The following ARPC2 variants were observed in gnomAD, a reference collection of about 807,000 sequenced individuals.
ARPC2 encodes the protein actin related protein 2/3 complex subunit 2.
Under a neutral mutation model 38.6 loss-of-function variants are expected in ARPC2, and 4 were observed. The observed-to-expected ratio is 0.10, with a 90% CI of 0.05 to 0.24. The LOEUF (loss-of-function observed/expected upper bound fraction) is 0.24. Among genes scored for constraint, ARPC2 ranks in the 10% least tolerant of loss-of-function variants. The pLI, the probability that ARPC2 is intolerant of heterozygous loss-of-function variation, is 1.00. For missense variants in ARPC2, 229 were observed against 387.3 expected, an observed-to-expected ratio of 0.59 and a Z score of 3.43; for synonymous variants, 125 against 140.8, an observed-to-expected ratio of 0.89 and a Z score of 0.79.
intron 2 of ARPC2, among the ~76,000 whole-genome samples, chr2:218,222,860 T>C (rs144953065): frequency 2.6e-5 from 4 of 152,166 alleles, no homozygotes; most frequent in Non-Finnish European, 5.9e-5. Flanking sequence ...AATAAGTAAC[T>C]ACTACATATT....
At chr2:218,238,342 A>G (rs1244432013) in intron 5 of ARPC2, among the ~76,000 whole-genome samples, 1 of 152,200 alleles carries the variant, frequency 6.6e-6, no homozygotes, top group African/African-American at 2.4e-5. Flanking sequence ...CTCCCATTAC[A>G]TATTTGTAAT....
At chr2:218,245,616 A>G (rs1690013227) in intron 8 of ARPC2, 70 bp downstream of exon 8, 1 of 1,582,034 alleles carries the variant, frequency 6.3e-7, no homozygotes, top group African/African-American at 1.4e-5. Context: ...CTAAATCTGC[A>G]CAGAACCTTG....
intron 2 of ARPC2, among the ~76,000 whole-genome samples, chr2:218,225,005 A>C (rs904559359): frequency 1.3e-5 from 2 of 152,324 alleles, no homozygotes; most frequent in Middle Eastern, 3.4e-3. Flanking sequence ...CTTGTTTGCT[A>C]GCCCCTAAAA....
Position 218,225,075 on chromosome 2 carries a change from T to G in ARPC2, c.75-845T>G, listed in dbSNP as rs374145677. On this transcript the variant is annotated intron_variant, in intron 2 of 10. Transcript: ENST00000315717. The stretch of plus-strand genomic sequence containing the variant: ...TGGTAAGGCAATAGTCTTCATTTGC[T>G]TCCTACTTTGGACTTCAGGTCTGTT... Among the ~76,000 whole-genome samples, 4 of 152,352 alleles carry G rather than the reference T, an allele frequency of 2.6e-5. No individual in the cohort carries two copies. The East Asian group carries it at 7.7e-4, about 29-fold the overall frequency.
intron 3 of ARPC2, among the ~76,000 whole-genome samples, chr2:218,226,516 C>G (rs1461421363): frequency 1.1e-4 from 16 of 150,076 alleles, no homozygotes. Context: ...GTAGTCCCAG[C>G]TACTCCGGAG....
Position 218,239,458 on chromosome 2 carries a change from G to A in ARPC2, c.523G>A (p.Val175Met). ...CACAGTGTTTAAGGATGACGACGAT[G>A]TGGTCATTGGAAAGGTGTTCATGCA... ...FSTVFKDDDD[V>M]VIGKVFMQEF... The change falls in exon 7 of 11, where the codon GTG becomes ATG. Residue 175 changes from valine to methionine, a missense_variant. Val to Met is a conservative substitution (Grantham distance 21). Coordinates refer to ENST00000315717, the MANE Select transcript of ARPC2 (RefSeq NM_152862.3). The A allele has an allele frequency of 6.2e-7, 1 of 1,614,172 alleles. No individual in the cohort carries two copies. Among genetic ancestry groups the A allele is most frequent in the African/African-American group, 1.3e-5 (1 of 75,052 alleles).
At chr2:218,248,785 G>T in intron 8 of ARPC2, among the ~76,000 whole-genome samples, 1 of 152,198 alleles carries the variant, frequency 6.6e-6, no homozygotes, top group South Asian at 2.1e-4. Context: ...TAGGTGGCTG[G>T]TGTCACAGGG....
intron 9 of ARPC2, 149 bp from the exon 10 acceptor site, chr2:218,249,672 A>G (rs2106160269): frequency 1.2e-6 from 1 of 816,476 alleles, no homozygotes; most frequent in African/African-American, 1.7e-5. Flanking sequence ...TGTTTCCAGA[A>G]TTGCTCACCT....
chr2:218,225,862 T>A, intron 2 of ARPC2, 58 bp from the exon 3 acceptor site: 1 of 1,576,800 alleles, frequency 6.3e-7, no homozygotes, highest in South Asian at 1.1e-5. Context: ...TCCAGTTCCC[T>A]TTGAAGGTAA....
chr2:218,225,806 AAAT>A, intron 2 of ARPC2, 111 bp from the exon 3 acceptor site: 1 of 992,170 alleles, frequency 1.0e-6, no homozygotes, highest in Non-Finnish European at 1.6e-6. Context: ...CAGTAACCTA[AAAT>A]TTATACAGAA....
At chr2:218,224,665 G>A (rs868153907) in intron 2 of ARPC2, among the ~76,000 whole-genome samples, 2 of 143,330 alleles carry the variant, frequency 1.4e-5, no homozygotes, top group African/African-American at 2.5e-5. Flanking sequence ...ACTTCAATTC[G>A]TAGAGATACC....
intron 8 of ARPC2, among the ~76,000 whole-genome samples, chr2:218,246,795 A>T (rs950442035): frequency 1.1e-4 from 17 of 152,166 alleles, no homozygotes; most frequent in African/African-American, 3.9e-4. Flanking sequence ...ACATGGTGAA[A>T]CCACACCTCT....
At chr2:218,249,519 G>A in intron 9 of ARPC2, 55 bp downstream of exon 9, 1 of 1,359,860 alleles carries the variant, frequency 7.4e-7, no homozygotes, top group Non-Finnish European at 1.0e-6. Context: ...TCCTCCACCA[G>A]AACTCCTGAC....
chr2:218,225,915 T>G lies in ARPC2; in HGVS notation c.75-5T>G, dbSNP rs572566257. The G allele has an allele frequency of 6.2e-7, 1 of 1,613,544 alleles. No homozygotes were observed. Among genetic ancestry groups the G allele is most frequent in the African/African-American group, 1.3e-5 (1 of 74,920 alleles). ...TTAACTGAGGACCTTTTTTGTTGTTTACAGAAACAAACCGGAAGCAGTAGA... is the reference window on the plus strand; with the variant it reads ...TTAACTGAGGACCTTTTTTGTTGTTGACAGAAACAAACCGGAAGCAGTAGA... On this transcript the variant is annotated splice_region_variant and splice_polypyrimidine_tract_variant and intron_variant, in intron 2 of 10. Transcript: ENST00000315717.
chr2:218,249,727 C>G, intron 9 of ARPC2, 94 bp from the exon 10 acceptor site: 1 of 1,258,944 alleles, frequency 7.9e-7, no homozygotes, highest in Non-Finnish European at 1.1e-6. Context: ...GGTGTATGTT[C>G]CCAACCGCCC....
intron 2 of ARPC2, among the ~76,000 whole-genome samples, chr2:218,225,667 C>G (rs1689479547): frequency 6.6e-6 from 1 of 152,176 alleles, no homozygotes; most frequent in South Asian, 2.1e-4. Flanking sequence ...GCAGTAGATT[C>G]AACAGCAGGT....
chr2:218,234,918 A>G, intron 5 of ARPC2: 5 of 456,412 alleles, frequency 1.1e-5, no homozygotes, highest in South Asian at 7.8e-5. Flanking sequence ...CTTGAATAGA[A>G]CAGCTATGTT....
intron 5 of ARPC2, among the ~76,000 whole-genome samples, chr2:218,237,974 C>T (rs566003680): frequency 1.2e-4 from 18 of 152,306 alleles, no homozygotes; most frequent in Non-Finnish European, 2.2e-4. Context: ...TGGCAAGTCA[C>T]GTCACTTCTT....
intron 5 of ARPC2, among the ~76,000 whole-genome samples, chr2:218,238,358 A>G (rs1689822397): frequency 6.6e-6 from 1 of 152,180 alleles, no homozygotes; most frequent in South Asian, 2.1e-4. Flanking sequence ...GTAATTAGTC[A>G]TCTTTGATAC....
Sources: allele counts gnomAD v4.1 joint callset (sites outside exome capture counted in the v4.1 genomes callset), GRCh38; gene constraint gnomAD v4.1.1; transcripts MANE v1.5; gene names NCBI Gene and HGNC (gene_info 2026-07-23, HGNC 2026-07-21).